SAMD3: variants seen among roughly 807,000 people sequenced by gnomAD.
The protein encoded by SAMD3 is sterile alpha motif domain-containing protein 3.
A neutral mutation model predicts 58.5 loss-of-function variants in SAMD3; 63 were observed. The observed-to-expected ratio is 1.08, with a 90% CI of 0.88 to 1.33. The LOEUF (loss-of-function observed/expected upper bound fraction) is 1.33. Among genes scored for constraint, SAMD3 ranks in the 40% most tolerant of loss-of-function variants. SAMD3 has a pLI of 0.00. For synonymous variants in SAMD3, 220 were observed against 210.3 expected, an observed-to-expected ratio of 1.05 and a Z score of -0.40; for missense variants, 604 against 608.4, an observed-to-expected ratio of 0.99 and a Z score of 0.08.
chr6:130,269,313 G>A (rs967419193), intron 2 of SAMD3, among the ~76,000 whole-genome samples: 10 of 152,200 alleles, frequency 6.6e-5, no homozygotes, highest in African/African-American at 2.4e-4. Context: ...GAAATGTTTG[G>A]TAGAATAATC....
intron 2 of SAMD3, among the ~76,000 whole-genome samples, chr6:130,241,372 C>T (rs1017993711): frequency 3.4e-4 from 51 of 151,920 alleles, no homozygotes; most frequent in Admixed American, 9.8e-4. Flanking sequence ...TGTGCCACCA[C>T]GCCCAGCTAA....
At chr6:130,355,090 C>A (rs146742556) in intron 1 of SAMD3, among the ~76,000 whole-genome samples, 2,900 of 152,226 alleles carry the variant, frequency 0.019, 88 homozygotes, top group African/African-American at 0.065. Flanking sequence ...ATCCTACATG[C>A]CATCTGTAGC....
At chr6:130,179,806 T>C (rs1792101423) in intron 7 of SAMD3, among the ~76,000 whole-genome samples, 2 of 128,004 alleles carry the variant, frequency 1.6e-5, no homozygotes, top group South Asian at 5.0e-4. Flanking sequence ...AGATTGTCCT[T>C]ATTCTTTTTT....
At chr6:130,266,865 G>A (rs1031850798) in intron 2 of SAMD3, among the ~76,000 whole-genome samples, 2 of 152,190 alleles carry the variant, frequency 1.3e-5, no homozygotes, top group African/African-American at 4.8e-5. Context: ...CCTCCTGAGA[G>A]AATTATACGA....
intron 1 of SAMD3, among the ~76,000 whole-genome samples, chr6:130,356,439 C>A (rs183332412): frequency 8.3e-4 from 127 of 152,314 alleles, no homozygotes; most frequent in African/African-American, 2.9e-3. Context: ...CTATATAAAA[C>A]CACATTCTCA....
In SAMD3 at chr6:130,358,394, A is replaced by G. The variant is rs565222564; in HGVS notation, c.-304+6726T>C. ...AAAAATCTTGCATCTTAGCTGATCA[A>G]TTCTAAGGTGAAATCCAGTTTTTAA... On this transcript the variant is annotated intron_variant, in intron 1 of 13. Transcript: ENST00000368134. Among the ~76,000 whole-genome samples the G allele has an allele frequency of 1.4e-4, 21 of 152,300 alleles. No homozygotes were observed. In the South Asian group the frequency reaches 4.4e-3, roughly 32 times the overall value.
chr6:130,304,926 CTTTTTTTTT>C (rs777084920), intron 2 of SAMD3, among the ~76,000 whole-genome samples: 4 of 103,376 alleles, frequency 3.9e-5, no homozygotes, highest in African/African-American at 7.9e-5. Context: ...CATTTTCTTC[CTTTTTTTTT>C]TTTTTTTTTT....
At chr6:130,234,339 T>G (rs903704138) in intron 2 of SAMD3, among the ~76,000 whole-genome samples, 5 of 152,148 alleles carry the variant, frequency 3.3e-5, no homozygotes, top group African/African-American at 4.8e-5. Context: ...AAAGTACATA[T>G]TTCTCTATTA....
At chr6:130,255,656 T>A (rs1347972158) in intron 2 of SAMD3, among the ~76,000 whole-genome samples, 4 of 152,138 alleles carry the variant, frequency 2.6e-5, no homozygotes, top group Admixed American at 2.0e-4. Flanking sequence ...TCTATTTTTT[T>A]AAATATTCTT....
intron 2 of SAMD3, among the ~76,000 whole-genome samples, chr6:130,267,135 T>C (rs1237828333): frequency 1.3e-5 from 2 of 152,150 alleles, no homozygotes; most frequent in Admixed American, 6.5e-5. Flanking sequence ...TGTCTACACA[T>C]AGATGATCGG....
intron 9 of SAMD3, among the ~76,000 whole-genome samples, chr6:130,153,456 A>G (rs1789403237): frequency 6.6e-6 from 1 of 151,882 alleles, no homozygotes; most frequent in Non-Finnish European, 1.5e-5. Flanking sequence ...AAATATGTAG[A>G]TGTTTCATGT....
Position 130,255,858 on chromosome 6 carries a change from T to C in SAMD3, c.-187-33045A>G, listed in dbSNP as rs201211257. Among the ~76,000 whole-genome samples the C allele has an allele frequency of 1.4e-4, 21 of 151,744 alleles. No individual in the cohort carries two copies. In the East Asian group the frequency reaches 4.1e-3, roughly 29 times the overall value. ...GCAACATATAGTTGGGTCTTGTCTT[T>C]TTTTTTTTTAAACCATTCAGTCATT... is the stretch of plus-strand genomic sequence containing the variant. On this transcript the variant is annotated intron_variant, in intron 2 of 13. Coordinates refer to the SAMD3 transcript ENST00000368134.
At chr6:130,282,169 G>A (rs1775004003) in intron 2 of SAMD3, among the ~76,000 whole-genome samples, 3 of 152,010 alleles carry the variant, frequency 2.0e-5, no homozygotes, top group Admixed American at 2.0e-4. Flanking sequence ...CACGTGCAGG[G>A]AGATGGGGGG....
intron 2 of SAMD3, among the ~76,000 whole-genome samples, chr6:130,255,855 C>CT (rs34419547): frequency 0.027 from 3,842 of 141,994 alleles, 89 homozygotes; most frequent in African/African-American, 0.057. Flanking sequence ...TGGGTCTTGT[C>CT]TTTTTTTTTT....
At chr6:130,224,722 G>A (rs1796340194), upstream of SAMD3, among the ~76,000 whole-genome samples, 1 of 151,774 alleles carries the variant, frequency 6.6e-6, no homozygotes, top group Non-Finnish European at 1.5e-5. Context: ...GGGTTTAAGC[G>A]ATTCTCCTGC....
intron 1 of SAMD3, among the ~76,000 whole-genome samples, chr6:130,220,820 A>T (rs903475174): frequency 6.6e-6 from 1 of 152,162 alleles, no homozygotes; most frequent in Non-Finnish European, 1.5e-5. Context: ...ACAGAATAGA[A>T]ACTTAGAAAC....
intron 8 of SAMD3, among the ~76,000 whole-genome samples, chr6:130,166,189 G>T (rs1790723876): frequency 6.6e-6 from 1 of 152,140 alleles, no homozygotes; most frequent in African/African-American, 2.4e-5. Context: ...AGGGGGTCCT[G>T]GGGGCTGGTT....
intron 8 of SAMD3, 164 bp downstream of exon 8, chr6:130,175,677 C>T (rs775124702): frequency 1.1e-5 from 5 of 451,464 alleles, no homozygotes; most frequent in East Asian, 3.3e-5. Flanking sequence ...ATATCACGCT[C>T]ATTGTTAGCC....
At chr6:130,269,487 G>A (rs939995321) in intron 2 of SAMD3, among the ~76,000 whole-genome samples, 4 of 152,018 alleles carry the variant, frequency 2.6e-5, no homozygotes, top group African/African-American at 9.7e-5. Context: ...CTAAGTTGTT[G>A]AATTTACGAA....
Sources: gnomAD v4.1 joint callset for allele counts (sites outside exome capture counted in the v4.1 genomes callset) on GRCh38, gnomAD v4.1.1 for gene constraint, MANE v1.5 for transcripts, NCBI Gene and HGNC (gene_info 2026-07-23, HGNC 2026-07-21) for gene names.